The following ANKS1B variants were observed in gnomAD, a reference collection of about 807,000 sequenced individuals.
ANKS1B encodes the protein ankyrin repeat and sterile alpha motif domain-containing protein 1B.
ANKS1B carries 36 observed loss-of-function variants against 148.3 expected under a neutral mutation model. The observed-to-expected ratio is 0.24, with a 90% CI of 0.19 to 0.32. The LOEUF is 0.32. Ranked by LOEUF, ANKS1B falls within the 10% of genes least tolerant of loss-of-function variation. The pLI, the probability that ANKS1B is intolerant of heterozygous loss-of-function variation, is 1.00. For synonymous variants in ANKS1B, 542 were observed against 560.8 expected (o/e 0.97, Z 0.47); for missense variants, 1,157 against 1,542.6 (o/e 0.75, Z 4.19).
chr12:99,888,930 TA>T (rs2092959012), intron 1 of ANKS1B, among the ~76,000 whole-genome samples: 1 of 149,682 alleles, frequency 6.7e-6, no homozygotes, highest in East Asian at 2.0e-4. Context: ...CTCTTAACCC[TA>T]AAATTCCAAC....
intron 9 of ANKS1B, among the ~76,000 whole-genome samples, chr12:99,641,866 T>A (rs913042243): frequency 4.6e-5 from 7 of 152,174 alleles, no homozygotes; most frequent in South Asian, 2.1e-4. Flanking sequence ...TCTATTTTTT[T>A]AATTTTATAT....
intron 17 of ANKS1B, among the ~76,000 whole-genome samples, chr12:99,029,677 TCAG>T (rs545841113): frequency 5.1e-4 from 77 of 152,230 alleles, no homozygotes; most frequent in Admixed American, 1.1e-3. Flanking sequence ...GGCAGGAAAC[TCAG>T]CAGCATGAAA....
At chr12:99,745,318 G>A (rs887259797) in intron 8 of ANKS1B, among the ~76,000 whole-genome samples, 1 of 152,040 alleles carries the variant, frequency 6.6e-6, no homozygotes, top group Non-Finnish European at 1.5e-5. Context: ...CTAATGAGAA[G>A]CATAAGAACA....
At chr12:98,742,853 A>G (rs1593235203), downstream of ANKS1B, among the ~76,000 whole-genome samples, 1 of 152,174 alleles carries the variant, frequency 6.6e-6, no homozygotes, top group African/African-American at 2.4e-5. Context: ...GGGAGCTAGG[A>G]CTGGAATATG....
intron 12 of ANKS1B, among the ~76,000 whole-genome samples, chr12:99,304,330 T>C (rs898430307): frequency 1.3e-5 from 2 of 152,158 alleles, no homozygotes; most frequent in African/African-American, 4.8e-5. Flanking sequence ...CTGTTTTAAA[T>C]AGAGGGACCT....
intron 14 of ANKS1B, among the ~76,000 whole-genome samples, chr12:99,185,594 C>T (rs527505895): frequency 1.8e-4 from 27 of 152,122 alleles, no homozygotes; most frequent in African/African-American, 6.5e-4. Flanking sequence ...CCATGGAGGG[C>T]GAGTAGAAGC....
chr12:99,411,988 T>C (rs1172726184), intron 11 of ANKS1B, among the ~76,000 whole-genome samples: 1 of 152,254 alleles, frequency 6.6e-6, no homozygotes, highest in East Asian at 1.9e-4. Flanking sequence ...GATACATCAA[T>C]GAACAAATAA....
chr12:98,949,031 CA>C (rs1165413356), intron 17 of ANKS1B, among the ~76,000 whole-genome samples: 2 of 142,466 alleles, frequency 1.4e-5, no homozygotes, highest in Non-Finnish European at 3.0e-5. Flanking sequence ...CGGCTCACTG[CA>C]ACCTCCCTCT....
rs201249303 is a variant in ANKS1B, at chr12:99,126,489, TAG to T, written c.2526+27798_2526+27799del. On this transcript the variant is annotated intron_variant, in intron 15 of 26. Coordinates refer to ENST00000683438, the MANE Select transcript of ANKS1B (RefSeq NM_001352186.2). ...ATTCATTTCTTTCATATAGAAATAA[TAG>T]AGTCTCCCCCTCCCCCCACCTTACC... 8.4e-3 allele frequency among the ~76,000 whole-genome samples: 1,286 copies of T among 152,242 alleles called. 15 individuals are homozygous for T. Among genetic ancestry groups the T allele is most frequent in the African/African-American group, 0.029 (1,225 of 41,526 alleles).
chr12:99,709,559 T>C (rs368217200), intron 8 of ANKS1B, among the ~76,000 whole-genome samples: 1 of 152,142 alleles, frequency 6.6e-6, no homozygotes, highest in Non-Finnish European at 1.5e-5. Context: ...GAGGATTAGG[T>C]AACTTTTCCA....
intron 12 of ANKS1B, among the ~76,000 whole-genome samples, chr12:99,380,047 T>C (rs1247061334): frequency 6.6e-6 from 1 of 152,224 alleles, no homozygotes; most frequent in Non-Finnish European, 1.5e-5. Context: ...AATGAGGCAC[T>C]TCCACTCTTG....
At chr12:99,668,696 A>AT (rs2098521681) in intron 8 of ANKS1B, among the ~76,000 whole-genome samples, 1 of 148,320 alleles carries the variant, frequency 6.7e-6, no homozygotes, top group African/African-American at 2.5e-5. Flanking sequence ...CAAGTTAGAA[A>AT]TTTTTCAGCC....
intron 12 of ANKS1B, among the ~76,000 whole-genome samples, chr12:99,370,574 TC>T (rs1436789835): frequency 1.3e-5 from 2 of 152,164 alleles, no homozygotes; most frequent in Non-Finnish European, 2.9e-5. Flanking sequence ...CAGCACATTT[TC>T]CCAGTCTCAG....
intron 9 of ANKS1B, among the ~76,000 whole-genome samples, chr12:99,624,496 A>G (rs916409198): frequency 3.3e-5 from 5 of 152,154 alleles, no homozygotes; most frequent in African/African-American, 1.2e-4. Context: ...TTCACAAACT[A>G]TGCCTCTGAC....
intron 12 of ANKS1B, among the ~76,000 whole-genome samples, chr12:99,392,166 G>A (rs987701610): frequency 3.3e-5 from 5 of 152,152 alleles, no homozygotes; most frequent in South Asian, 2.1e-4. Context: ...CCTTCCTGTC[G>A]GCTGGAGGCC....
intron 16 of ANKS1B, among the ~76,000 whole-genome samples, chr12:99,082,314 T>G (rs1423458967): frequency 6.6e-6 from 1 of 152,166 alleles, no homozygotes. Context: ...AAGGGAAGGA[T>G]GTGAATTTTA....
intron 12 of ANKS1B, among the ~76,000 whole-genome samples, chr12:99,260,389 C>T (rs2075797401): frequency 6.6e-6 from 1 of 152,170 alleles, no homozygotes; most frequent in African/African-American, 2.4e-5. Flanking sequence ...TCTGAGAATG[C>T]AGTGCATTCA....
chr12:99,160,577 T>C (rs1448993843), intron 14 of ANKS1B, among the ~76,000 whole-genome samples: 1 of 151,608 alleles, frequency 6.6e-6, no homozygotes, highest in Non-Finnish European at 1.5e-5. Flanking sequence ...CTCGATCTCC[T>C]GACCTCATGA....
chr12:99,984,187 A>C lies in ANKS1B; in HGVS notation c.51T>G (p.Ala17=). The C allele has an allele frequency of 6.2e-7, 1 of 1,613,850 alleles. No individual in the cohort carries two copies. Among genetic ancestry groups the C allele is most frequent in the Non-Finnish European group, 8.5e-7 (1 of 1,179,832 alleles). ...TGCCAGACAGGAGTTTCTCCACCAG[A>C]GCCACATTTCCAGTGCGAGCAGCTT... The part of the protein sequence containing the change: ...LLEAARTGNV[A]LVEKLLSGRK... Residue 17 remains alanine, a synonymous_variant, in exon 1 of 27, where the codon GCT becomes GCG. Transcript: ENST00000683438.
Sources: gnomAD v4.1 joint callset for allele counts (sites outside exome capture counted in the v4.1 genomes callset) on GRCh38, gnomAD v4.1.1 for gene constraint, MANE v1.5 for transcripts, NCBI Gene and HGNC (gene_info 2026-07-23, HGNC 2026-07-21) for gene names.